Variants in HS2ST1 observed in about 807,000 individuals in gnomAD.
The protein encoded by HS2ST1 is 2-O-sulfotransferase.
Under a neutral mutation model 42.9 loss-of-function variants are expected in HS2ST1, and 18 were observed. The observed-to-expected ratio is 0.42, with a 90% CI of 0.29 to 0.62. The LOEUF is 0.62. Ranked by LOEUF, HS2ST1 falls within the 20% of genes least tolerant of loss-of-function variation. The pLI is 0.21. For synonymous variants in HS2ST1, 146 were observed against 152.9 expected, an observed-to-expected ratio of 0.95 and a Z score of 0.33; for missense variants, 334 against 433.8, an observed-to-expected ratio of 0.77 and a Z score of 2.04.
rs1170280957 is a variant in HS2ST1, at chr1:86,915,048, C to G, written c.12C>G (p.Leu4=). The part of the protein sequence containing the change: MGL[L]RIMMPPKLQL... ...GAGCAGCGGGTTTCATGGGGCTCCT[C>G]AGGATTATGATGCCGCCCAAGTTGC... The change falls in exon 1 of 7, where the codon CTC becomes CTG. Residue 4 remains leucine (L), a synonymous_variant. Coordinates refer to ENST00000370550, the MANE Select transcript of HS2ST1 (RefSeq NM_012262.4). 6.2e-7 allele frequency: 1 copy of G among 1,614,152 alleles called. No homozygotes were observed. Among genetic ancestry groups the G allele is most frequent in the Non-Finnish European group, 8.5e-7 (1 of 1,180,022 alleles).
intron 1 of HS2ST1, among the ~76,000 whole-genome samples, chr1:86,977,571 A>G (rs1192064926): frequency 6.6e-6 from 1 of 152,258 alleles, no homozygotes; most frequent in African/African-American, 2.4e-5. Flanking sequence ...ATCTGAGCAT[A>G]TGGAAGACCA....
chr1:87,094,637 C>T (rs1232659532), intron 4 of HS2ST1, among the ~76,000 whole-genome samples: 1 of 152,052 alleles, frequency 6.6e-6, no homozygotes, highest in East Asian at 1.9e-4. Context: ...CAACATGTCA[C>T]TCGACATTTT....
chr1:87,017,228 C>A (rs1649785350), intron 1 of HS2ST1, among the ~76,000 whole-genome samples: 1 of 152,110 alleles, frequency 6.6e-6, no homozygotes. Context: ...CCTCCGCCTC[C>A]CAGGTTCAAG....
chr1:86,916,986 A>G (rs1660172082), intron 1 of HS2ST1, among the ~76,000 whole-genome samples: 1 of 152,192 alleles, frequency 6.6e-6, no homozygotes, highest in Non-Finnish European at 1.5e-5. Context: ...AAAGAAAGTT[A>G]TCTGAAGATG....
chr1:87,024,933 A>T (rs1650046763), intron 1 of HS2ST1, among the ~76,000 whole-genome samples: 1 of 152,228 alleles, frequency 6.6e-6, no homozygotes, highest in Non-Finnish European at 1.5e-5. Context: ...TATAACAATC[A>T]TGCTTAATGT....
chr1:87,059,414 G>C (rs140866796), intron 1 of HS2ST1, among the ~76,000 whole-genome samples: 123 of 152,228 alleles, frequency 8.1e-4, no homozygotes, highest in Middle Eastern at 3.4e-3. Flanking sequence ...TATGGCATTT[G>C]TTACAGTGGC....
At chr1:87,066,238 C>T (rs1029633673) in intron 1 of HS2ST1, among the ~76,000 whole-genome samples, 3 of 152,164 alleles carry the variant, frequency 2.0e-5, no homozygotes, top group African/African-American at 2.4e-5. Context: ...TAATCTGACA[C>T]GTGGAAAAGC....
chr1:87,028,307 A>T (rs929480694), intron 1 of HS2ST1, among the ~76,000 whole-genome samples: 2 of 152,260 alleles, frequency 1.3e-5, no homozygotes, highest in Admixed American at 1.3e-4. Flanking sequence ...GCCAACTCAG[A>T]GCCAGGGGAG....
chr1:87,004,347 C>T (rs535336389), intron 1 of HS2ST1, among the ~76,000 whole-genome samples: 3 of 152,116 alleles, frequency 2.0e-5, no homozygotes, highest in Non-Finnish European at 2.9e-5. Context: ...GCCGAGATCA[C>T]GCCACTGTGC....
rs72955567 is a variant in HS2ST1 at position 87,068,921 on chromosome 1, C to T, written c.125-4013C>T. ...TTGCCCAGGCTTGTCTCAAACTCCTCGGCTTAAGCAATCCTCCTCCCTCAA... is the reference window on the plus strand; with the variant it reads ...TTGCCCAGGCTTGTCTCAAACTCCTTGGCTTAAGCAATCCTCCTCCCTCAA... On this transcript the variant is annotated intron_variant, in intron 1 of 6. Transcript: ENST00000370550. 3.9e-3 allele frequency among the ~76,000 whole-genome samples: 587 copies of T among 152,196 alleles called. 4 individuals are homozygous for T. The highest frequency in any genetic ancestry group is 0.013 in the African/African-American group (538 of 41,542).
At chr1:87,079,154 G>C (rs1367067679) in intron 2 of HS2ST1, among the ~76,000 whole-genome samples, 1 of 148,856 alleles carries the variant, frequency 6.7e-6, no homozygotes, top group South Asian at 2.1e-4. Flanking sequence ...TTGAGACACA[G>C]CCTTGCTCGG....
chr1:87,037,123 C>T (rs1445024497), intron 1 of HS2ST1, among the ~76,000 whole-genome samples: 1 of 28,896 alleles, frequency 3.5e-5, no homozygotes, highest in African/African-American at 6.4e-5. Context: ...TAATCTGCTC[C>T]CAACTTTTGC....
chr1:87,063,701 C>T (rs926974312), intron 1 of HS2ST1, among the ~76,000 whole-genome samples: 1 of 152,030 alleles, frequency 6.6e-6, no homozygotes, highest in Admixed American at 6.5e-5. Flanking sequence ...CCATTTTTTT[C>T]GTTTGGTTCA....
intron 1 of HS2ST1, among the ~76,000 whole-genome samples, chr1:86,930,757 G>T (rs116207139): frequency 3.6e-4 from 54 of 152,094 alleles, no homozygotes; most frequent in African/African-American, 1.3e-3. Flanking sequence ...GCAAGATTTT[G>T]CATTGTCCTC....
chr1:87,095,498 C>G (rs1443592317), intron 4 of HS2ST1, among the ~76,000 whole-genome samples: 1 of 152,120 alleles, frequency 6.6e-6, no homozygotes, highest in African/African-American at 2.4e-5. Flanking sequence ...TTCACTTGAT[C>G]TTGTAAAGAA....
intron 1 of HS2ST1, among the ~76,000 whole-genome samples, chr1:86,949,147 C>T (rs1038919281): frequency 6.6e-6 from 1 of 152,130 alleles, no homozygotes; most frequent in East Asian, 1.9e-4. Flanking sequence ...CTTGCTCTTT[C>T]GCTCAGGCCG....
At chr1:87,021,904 T>C (rs1649963635) in intron 1 of HS2ST1, among the ~76,000 whole-genome samples, 1 of 152,232 alleles carries the variant, frequency 6.6e-6, no homozygotes. Flanking sequence ...TCTCATTTAT[T>C]TTATGCCAAA....
intron 1 of HS2ST1, among the ~76,000 whole-genome samples, chr1:87,067,998 G>A (rs184525847): frequency 1.7e-4 from 26 of 152,242 alleles, no homozygotes; most frequent in Admixed American, 1.2e-3. Flanking sequence ...AGTCGGTAGC[G>A]TGATGCCTCC....
chr1:87,060,759 G>A (rs1258280156), intron 1 of HS2ST1, among the ~76,000 whole-genome samples: 1 of 152,128 alleles, frequency 6.6e-6, no homozygotes, highest in South Asian at 2.1e-4. Context: ...TGTAATAACT[G>A]TAGAAAAGTA....
Sources: allele counts gnomAD v4.1 joint callset (sites outside exome capture counted in the v4.1 genomes callset), GRCh38; gene constraint gnomAD v4.1.1; transcripts MANE v1.5; gene names NCBI Gene and HGNC (gene_info 2026-07-23, HGNC 2026-07-21).